KCNU1: variants seen among roughly 807,000 people sequenced by gnomAD.
KCNU1 encodes the protein potassium calcium-activated channel subfamily U member 1.
In KCNU1, 93 loss-of-function variants were observed where a neutral mutation model predicts 126.8. The observed-to-expected ratio is 0.73, with a 90% CI of 0.62 to 0.87. The LOEUF (loss-of-function observed/expected upper bound fraction) is 0.87, where lower values mean the gene tolerates loss of function less well. Ranked by LOEUF, KCNU1 falls within the 40% of genes least tolerant of loss-of-function variation. The pLI is 0.00. For missense variants in KCNU1, 1,330 were observed against 1,367.1 expected, an observed-to-expected ratio of 0.97 and a Z score of 0.43; for synonymous variants, 523 against 494.2, an observed-to-expected ratio of 1.06 and a Z score of -0.77.
intron 16 of KCNU1, 44 bp downstream of exon 16, chr8:36,841,047 T>C: frequency 7.7e-7 from 1 of 1,297,312 alleles, no homozygotes; most frequent in African/African-American, 1.5e-5. Flanking sequence ...TTTTTTTTTT[T>C]TTTTTTTTTC....
intron 24 of KCNU1, among the ~76,000 whole-genome samples, chr8:36,924,143 C>A (rs796225982): frequency 5.9e-5 from 9 of 152,284 alleles, no homozygotes; most frequent in African/African-American, 1.9e-4. Context: ...CAGTGTGTAG[C>A]CATTTGTGAA....
intron 19 of KCNU1, among the ~76,000 whole-genome samples, chr8:36,895,537 A>C (rs542561610): frequency 2.2e-4 from 33 of 152,310 alleles, no homozygotes; most frequent in African/African-American, 7.9e-4. Flanking sequence ...TGAAAGTCAA[A>C]GCAGAGCTAA....
chr8:36,907,393 C>G (rs1807673132), intron 20 of KCNU1, among the ~76,000 whole-genome samples: 1 of 152,112 alleles, frequency 6.6e-6, no homozygotes. Flanking sequence ...TATCTTGTTT[C>G]TAATTGTTTA....
intron 23 of KCNU1, among the ~76,000 whole-genome samples, chr8:36,919,138 G>C (rs1313278822): frequency 6.6e-6 from 1 of 152,130 alleles, no homozygotes; most frequent in African/African-American, 2.4e-5. Flanking sequence ...CCAGCAGAGG[G>C]AGGGGGACCA....
Position 36,836,163 on chromosome 8 carries a change from A to G in KCNU1, c.1296-133A>G, listed in dbSNP as rs1020831292. 3 of 581,028 alleles carry G rather than the reference A, an allele frequency of 5.2e-6. No homozygotes were observed. In the African/African-American group the frequency reaches 5.7e-5, roughly 11 times the overall value. 36.0% of individuals were successfully genotyped at this position (581,028 alleles called of 1,614,324 possible). ...ACTAAAAACATTTTTAGAAAACAAC[A>G]CAACAATAAACTTTATTATATGCCA... On this transcript the variant is annotated intron_variant, in intron 12 of 26. Coordinates refer to ENST00000399881, the MANE Select transcript of KCNU1 (RefSeq NM_001031836.3).
At chr8:36,854,552 TC>T (rs1805465356) in intron 18 of KCNU1, among the ~76,000 whole-genome samples, 2 of 151,884 alleles carry the variant, frequency 1.3e-5, no homozygotes. Context: ...TACTTTGAAC[TC>T]CAAGATTTCT....
At chr8:36,889,379 C>T (rs995046492) in intron 19 of KCNU1, 3 of 401,068 alleles carry the variant, frequency 7.5e-6, no homozygotes, top group Non-Finnish European at 1.5e-5. Flanking sequence ...ATCAACACAA[C>T]ACCAGAGATT....
At chr8:36,800,276 T>C (rs1284857841) in intron 2 of KCNU1, among the ~76,000 whole-genome samples, 2 of 152,180 alleles carry the variant, frequency 1.3e-5, no homozygotes, top group East Asian at 3.9e-4. Context: ...CATTGGATTT[T>C]GTTTCTTATC....
intron 22 of KCNU1, among the ~76,000 whole-genome samples, chr8:36,912,254 C>A (rs1279476264): frequency 6.6e-6 from 1 of 152,196 alleles, no homozygotes; most frequent in African/African-American, 2.4e-5. Flanking sequence ...AACCAAAAAT[C>A]TCTCTCTGAC....
chr8:36,907,001 T>C (rs1386174113), intron 20 of KCNU1, among the ~76,000 whole-genome samples: 1 of 152,140 alleles, frequency 6.6e-6, no homozygotes, highest in African/African-American at 2.4e-5. Flanking sequence ...GAAGTTTTAT[T>C]AGATCATATT....
At chr8:36,833,702 GC>G (rs1374255210) in intron 11 of KCNU1, 43 bp downstream of exon 11, 6 of 1,156,292 alleles carry the variant, frequency 5.2e-6, no homozygotes, top group Non-Finnish European at 7.8e-6. Flanking sequence ...TTCCTTAGTT[GC>G]AACAATTAAA....
intron 20 of KCNU1, among the ~76,000 whole-genome samples, chr8:36,907,839 G>C (rs1317796648): frequency 6.6e-6 from 1 of 152,156 alleles, no homozygotes; most frequent in Non-Finnish European, 1.5e-5. Flanking sequence ...AACTTACTCT[G>C]TACCAGCTTC....
intron 10 of KCNU1, 91 bp downstream of exon 10, chr8:36,817,851 T>C: frequency 1.5e-6 from 1 of 653,812 alleles, no homozygotes. Context: ...TTCACAATAT[T>C]TATAGAAAAA....
chr8:36,834,931 C>G, intron 12 of KCNU1, 63 bp downstream of exon 12: 1 of 1,029,194 alleles, frequency 9.7e-7, no homozygotes. Context: ...AAAGTAATGC[C>G]CGGTACATAA....
At position 36,917,918 on chromosome 8, in the gene KCNU1, C is replaced by A. The variant is rs375649728; in HGVS notation, c.2522-905C>A. ...GCTCAGGCTTTAAGAAACCCCACAG[C>A]CTTCCATATGGAGACAGGCAGGCAG... is the stretch of plus-strand genomic sequence containing the variant. On this transcript the variant is annotated intron_variant, in intron 22 of 26. Coordinates refer to ENST00000399881, the MANE Select transcript of KCNU1 (RefSeq NM_001031836.3). Among the ~76,000 whole-genome samples, 36 of 152,266 alleles carry A rather than the reference C, an allele frequency of 2.4e-4. 1 individual carries two copies. In the South Asian group the frequency reaches 7.3e-3, roughly 31 times the overall value.
intron 10 of KCNU1, among the ~76,000 whole-genome samples, chr8:36,820,393 T>A (rs139757400): frequency 1.8e-4 from 28 of 152,130 alleles, no homozygotes; most frequent in African/African-American, 6.7e-4. Flanking sequence ...GCATGGAGAC[T>A]CAGTAAAGGC....
intron 7 of KCNU1, among the ~76,000 whole-genome samples, chr8:36,809,488 T>C (rs894600701): frequency 2.0e-5 from 3 of 152,178 alleles, no homozygotes; most frequent in East Asian, 3.9e-4. Context: ...AAAATTAATA[T>C]AAAACAATAA....
In KCNU1 at chr8:36,882,086, A is replaced by T. The variant is rs143327049; in HGVS notation, c.2009+17565A>T. On this transcript the variant is annotated intron_variant, in intron 19 of 26. Transcript: ENST00000399881. ...CTACAGCCTCTCCAAAAAGAGACCC[A>T]TTCTCTCTTACCACACCTCTTGACT... Among the ~76,000 whole-genome samples the T allele has an allele frequency of 5.8e-3, 881 of 152,256 alleles. 7 individuals carry two copies. Among genetic ancestry groups the T allele is most frequent in the African/African-American group, 0.019 (787 of 41,516 alleles).
Position 36,892,752 on chromosome 8 carries a change from C to T in KCNU1, c.2010-12956C>T, listed in dbSNP as rs377266668. On this transcript the variant is annotated intron_variant, in intron 19 of 26. Coordinates refer to ENST00000399881, the MANE Select transcript of KCNU1 (RefSeq NM_001031836.3). ...TTCTGTGTGCATGTTGAGGTAATTC[C>T]TTTGACACTTTAGCAGTTTACATCT... Among the ~76,000 whole-genome samples, 14 of 152,094 alleles carry T rather than the reference C, an allele frequency of 9.2e-5. No homozygotes were observed. The South Asian group carries it at 2.3e-3, about 25-fold the overall frequency.
Sources: allele counts gnomAD v4.1 joint callset (sites outside exome capture counted in the v4.1 genomes callset), GRCh38; gene constraint gnomAD v4.1.1; transcripts MANE v1.5; gene names NCBI Gene and HGNC (gene_info 2026-07-23, HGNC 2026-07-21).